The following PAH variants were observed in gnomAD, a reference collection of about 807,000 sequenced individuals.
The protein encoded by PAH is phenylalanine hydroxylase, also known as phenylalanine-4-hydroxylase.
A neutral mutation model predicts 62.0 loss-of-function variants in PAH; 64 were observed. The observed-to-expected ratio is 1.03, with a 90% confidence interval of 0.84 to 1.27. The LOEUF is 1.27. Among genes scored for constraint, PAH ranks in the 50% most tolerant of loss-of-function variants. The pLI, the probability that PAH is intolerant of heterozygous loss-of-function variation, is 0.00. For missense variants in PAH, 579 were observed against 542.8 expected, an observed-to-expected ratio of 1.07 and a Z score of -0.66; for synonymous variants, 195 against 196.2, an observed-to-expected ratio of 0.99 and a Z score of 0.05.
intron 10 of PAH, among the ~76,000 whole-genome samples, 177 bp downstream of exon 10, chr12:102,844,159 T>C (rs1453191957): frequency 4.6e-5 from 7 of 152,290 alleles, no homozygotes; most frequent in Middle Eastern, 6.8e-3. Context: ...TTTCTATCTG[T>C]AAAACCCACA....
At chr12:102,883,381 G>A (rs963892250) in intron 3 of PAH, among the ~76,000 whole-genome samples, 1 of 152,148 alleles carries the variant, frequency 6.6e-6, no homozygotes, top group Non-Finnish European at 1.5e-5. Context: ...GCTGGCTGGC[G>A]CTCAGCGAAC....
At chr12:102,872,032 A>G (rs770794766) in intron 4 of PAH, among the ~76,000 whole-genome samples, 15 of 149,980 alleles carry the variant, frequency 1.0e-4, no homozygotes, top group Non-Finnish European at 2.1e-4. Context: ...TTTAAATGTC[A>G]TATGAGATCA....
chr12:102,917,263 C>A (rs1878422529), upstream of PAH: 2 of 773,254 alleles, frequency 2.6e-6, no homozygotes, highest in Non-Finnish European at 4.5e-6. Context: ...GTGTCTCTTG[C>A]GTGGTGCATC....
intron 2 of PAH, among the ~76,000 whole-genome samples, chr12:102,902,328 C>T (rs112079878): frequency 6.6e-6 from 1 of 152,280 alleles, no homozygotes; most frequent in African/African-American, 2.4e-5. Flanking sequence ...TGGCCATTAC[C>T]TGAACTTTGT....
intron 5 of PAH, among the ~76,000 whole-genome samples, chr12:102,865,013 T>C (rs1176894548): frequency 6.6e-6 from 1 of 152,198 alleles, no homozygotes; most frequent in Non-Finnish European, 1.5e-5. Flanking sequence ...GTGGGATTCA[T>C]CTATAAAAGG....
At chr12:102,878,998 G>C (rs1350371002) in intron 3 of PAH, among the ~76,000 whole-genome samples, 1 of 152,076 alleles carries the variant, frequency 6.6e-6, no homozygotes, top group African/African-American at 2.4e-5. Flanking sequence ...TGAGTGCAAG[G>C]CTTCCAGAAC....
chr12:102,917,410 C>T, upstream of PAH: 2 of 472,362 alleles, frequency 4.2e-6, no homozygotes, highest in South Asian at 2.1e-5. Flanking sequence ...CAGGAGGCAC[C>T]ACTTCGCTGC....
chr12:102,953,071 AC>A (rs1190471935), upstream of PAH, among the ~76,000 whole-genome samples: 1 of 152,138 alleles, frequency 6.6e-6, no homozygotes, highest in Non-Finnish European at 1.5e-5. Context: ...AACAGCAGAC[AC>A]CCCAGCAGGA....
exon 1 of PAH, chr12:102,950,838 A>G (rs1192689831): frequency 6.6e-6 from 1 of 152,180 alleles, no homozygotes; most frequent in Non-Finnish European, 1.5e-5. Flanking sequence ...ACTCGCCAGG[A>G]CGCACTCAGA....
At chr12:102,940,599 T>G (rs993342342) in intron 1 of PAH, among the ~76,000 whole-genome samples, 5 of 152,220 alleles carry the variant, frequency 3.3e-5, no homozygotes, top group Non-Finnish European at 7.3e-5. Context: ...TTCTTTGAAT[T>G]AGTTCAGTGC....
Position 102,894,776 on chromosome 12 carries a change from G to T in PAH, c.311C>A (p.Ala104Asp), listed in dbSNP as rs62642929. 4.1e-5 allele frequency: 66 copies of T among 1,613,956 alleles called. No homozygotes were observed. The highest frequency in any genetic ancestry group is 4.7e-5 in the Non-Finnish European group (55 of 1,180,002). Residue 104 changes from alanine to aspartate, a missense_variant, in exon 3 of 13, where the codon GCC becomes GAC. Transcript: ENST00000553106. The stretch of plus-strand genomic sequence containing the variant: ...ATCTCGTGAAAGCTCATGGACAGTG[G>T]CACCAATGTCATGCCTCAAGATCTT... ...IIKILRHDIG[A>D]TVHELSRDKK...
At chr12:102,863,401 C>A (rs1484691565) in intron 5 of PAH, among the ~76,000 whole-genome samples, 2 of 152,110 alleles carry the variant, frequency 1.3e-5, no homozygotes, top group African/African-American at 2.4e-5. Context: ...CAGTAAAGCA[C>A]CTTTCTCCCC....
At chr12:102,850,795 CTT>C (rs1875109589) in intron 8 of PAH, among the ~76,000 whole-genome samples, 1 of 152,146 alleles carries the variant, frequency 6.6e-6, no homozygotes. Flanking sequence ...CAGCCCAAAA[CTT>C]TCTTTTTTGG....
At chr12:102,876,674 C>T (rs559170508) in intron 4 of PAH, among the ~76,000 whole-genome samples, 37 of 152,310 alleles carry the variant, frequency 2.4e-4, no homozygotes, top group African/African-American at 7.5e-4. Flanking sequence ...GCCCTTCCCA[C>T]CGATGGAGGC....
intron 4 of PAH, among the ~76,000 whole-genome samples, chr12:102,872,897 G>A (rs918460188): frequency 6.6e-6 from 1 of 152,206 alleles, no homozygotes; most frequent in Non-Finnish European, 1.5e-5. Context: ...GAACCCAGGA[G>A]GTGGAGGTTG....
intron 2 of PAH, among the ~76,000 whole-genome samples, chr12:102,908,878 G>A (rs1020827036): frequency 2.4e-5 from 3 of 124,068 alleles, no homozygotes; most frequent in Admixed American, 1.1e-4. Context: ...TTTCACTCTC[G>A]CTGCTCAGGC....
chr12:102,877,070 C>T (rs906133689), intron 4 of PAH, among the ~76,000 whole-genome samples: 4 of 152,100 alleles, frequency 2.6e-5, no homozygotes, highest in South Asian at 2.1e-4. Flanking sequence ...GTTTCAACGT[C>T]GCCACTCCCC....
chr12:102,943,417 T>C (rs112925439), intron 1 of PAH, among the ~76,000 whole-genome samples: 4,900 of 152,136 alleles, frequency 0.032, 277 homozygotes, highest in African/African-American at 0.11. Flanking sequence ...AATAAAAATG[T>C]AGCAGATGTT....
At chr12:102,849,305 T>C (rs1294583754) in intron 8 of PAH, among the ~76,000 whole-genome samples, 2 of 152,094 alleles carry the variant, frequency 1.3e-5, no homozygotes, top group African/African-American at 4.8e-5. Context: ...TGGAGAAGGT[T>C]TGAGAAGGAA....
Sources: gnomAD v4.1 joint callset for allele counts (sites outside exome capture counted in the v4.1 genomes callset) on GRCh38, gnomAD v4.1.1 for gene constraint, MANE v1.5 for transcripts, NCBI Gene and HGNC (gene_info 2026-07-23, HGNC 2026-07-21) for gene names.